AKAP6: variants seen among roughly 807,000 people sequenced by gnomAD.
AKAP6 encodes the protein A-kinase anchor protein 6.
In AKAP6, 58 loss-of-function variants were observed where a neutral mutation model predicts 188.5. The ratio of observed to expected loss-of-function variants is 0.31; its 90% confidence interval spans 0.25 to 0.38. The LOEUF (loss-of-function observed/expected upper bound fraction) is 0.38. Among genes scored for constraint, AKAP6 ranks in the 10% least tolerant of loss-of-function variants. AKAP6 has a pLI of 1.00. For synonymous variants in AKAP6, 989 were observed against 998.6 expected (o/e 0.99, Z 0.18); for missense variants, 2,710 against 2,740.0 (o/e 0.99, Z 0.24).
chr14:32,688,347 TC>T (rs1453281822), intron 8 of AKAP6, among the ~76,000 whole-genome samples: 1 of 152,074 alleles, frequency 6.6e-6, no homozygotes, highest in African/African-American at 2.4e-5. Context: ...ATTCCTTTAT[TC>T]ATTTCCCTAT....
chr14:32,613,349 A>G (rs1157826317), intron 7 of AKAP6, among the ~76,000 whole-genome samples: 1 of 152,202 alleles, frequency 6.6e-6, no homozygotes, highest in African/African-American at 2.4e-5. Flanking sequence ...ACCATTTCTA[A>G]TGGGAATTTT....
At chr14:32,590,079 A>G (rs79542188) in intron 5 of AKAP6, among the ~76,000 whole-genome samples, 3,663 of 152,328 alleles carry the variant, frequency 0.024, 61 homozygotes, top group South Asian at 0.052. Context: ...TGCCTATTCT[A>G]TATCTATAGG....
chr14:32,678,591 A>G, intron 8 of AKAP6, 132 bp downstream of exon 8: 1 of 1,009,344 alleles, frequency 9.9e-7, no homozygotes, highest in Non-Finnish European at 1.4e-6. Context: ...CTAGGCATTA[A>G]TGTTCTTTTC....
At chr14:32,575,988 C>A (rs1449058087) in intron 4 of AKAP6, among the ~76,000 whole-genome samples, 2 of 152,022 alleles carry the variant, frequency 1.3e-5, no homozygotes, top group African/African-American at 2.4e-5. Context: ...CTCTTTTTCT[C>A]ATGATTTTTT....
intron 7 of AKAP6, among the ~76,000 whole-genome samples, chr14:32,648,194 T>A (rs573742939): frequency 6.6e-6 from 1 of 152,232 alleles, no homozygotes; most frequent in Non-Finnish European, 1.5e-5. Context: ...TAGAAGGAAT[T>A]GTTTCAAAAA....
intron 2 of AKAP6, among the ~76,000 whole-genome samples, chr14:32,517,938 A>G (rs1881608029): frequency 6.6e-6 from 1 of 152,196 alleles, no homozygotes. Context: ...ACTGGGAGAC[A>G]CGTCCCAGAA....
chr14:32,542,047 C>T (rs529987972), intron 3 of AKAP6, among the ~76,000 whole-genome samples: 1 of 152,114 alleles, frequency 6.6e-6, no homozygotes, highest in Non-Finnish European at 1.5e-5. Flanking sequence ...CATCCATGTA[C>T]TAGACTTACA....
At chr14:32,380,872 T>G (rs1295361453) in intron 1 of AKAP6, among the ~76,000 whole-genome samples, 1 of 152,182 alleles carries the variant, frequency 6.6e-6, no homozygotes, top group African/African-American at 2.4e-5. Context: ...ATATTTCACT[T>G]AAGACCCTCT....
intron 7 of AKAP6, among the ~76,000 whole-genome samples, chr14:32,659,860 G>C (rs1360005256): frequency 6.6e-6 from 1 of 152,078 alleles, no homozygotes. Context: ...ATCAGTCTCA[G>C]AGGGCTAAGA....
At chr14:32,773,955 T>C (rs1172890759) in intron 12 of AKAP6, 62 bp downstream of exon 12, 1 of 1,531,468 alleles carries the variant, frequency 6.5e-7, no homozygotes, top group South Asian at 1.2e-5. Context: ...AATAATTCTT[T>C]CAGGCTTGGA....
chr14:32,752,118 T>C (rs2032161967), intron 11 of AKAP6, among the ~76,000 whole-genome samples: 4 of 152,214 alleles, frequency 2.6e-5, no homozygotes, highest in Non-Finnish European at 5.9e-5. Context: ...TGTACAGATA[T>C]TTCAGTCTGA....
chr14:32,608,165 A>G (rs1266849671), intron 7 of AKAP6, among the ~76,000 whole-genome samples: 5 of 152,142 alleles, frequency 3.3e-5, no homozygotes, highest in South Asian at 2.1e-4. Flanking sequence ...AAATAAAAAT[A>G]TACACTAGGT....
chr14:32,575,595 C>T (rs1168564357), intron 4 of AKAP6, among the ~76,000 whole-genome samples: 2 of 152,058 alleles, frequency 1.3e-5, no homozygotes, highest in Non-Finnish European at 2.9e-5. Flanking sequence ...TGATATTTCT[C>T]ATTAGTTTTA....
intron 1 of AKAP6, among the ~76,000 whole-genome samples, chr14:32,393,920 G>T (rs1294503153): frequency 6.6e-6 from 1 of 151,988 alleles, no homozygotes; most frequent in Non-Finnish European, 1.5e-5. Flanking sequence ...AGAATTAGGG[G>T]TAGAAATTAA....
intron 1 of AKAP6, among the ~76,000 whole-genome samples, chr14:32,372,563 C>CT (rs11414064): frequency 0.9 from 133,007 of 147,910 alleles, 60,096 homozygotes; most frequent in South Asian, 0.97. Context: ...TTTAAGATCA[C>CT]TTTTTTTTTT....
chr14:32,471,402 A>G (rs1195961863), intron 2 of AKAP6, among the ~76,000 whole-genome samples: 1 of 152,202 alleles, frequency 6.6e-6, no homozygotes, highest in East Asian at 1.9e-4. Flanking sequence ...GCGTTTATGG[A>G]CGGTGGTAGT....
rs377635525 is a variant in AKAP6 at position 32,822,868 on chromosome 14, G to T, written c.5055G>T (p.Ala1685=). 4.6e-5 allele frequency: 74 copies of T among 1,613,730 alleles called. No homozygotes were observed. Among genetic ancestry groups the T allele is most frequent in the Non-Finnish European group, 6.0e-5 (71 of 1,179,912 alleles). ...DIASSINEDS[A]ASLTELSSSD... is the part of the protein sequence containing the mutation. ...CATCTTCTATCAATGAAGACTCAGC[G>T]GCATCTCTAACAGAACTTAGCAGCA... Residue 1685 remains alanine (A), a synonymous_variant, in exon 13 of 14, where the codon GCG becomes GCT. Coordinates refer to ENST00000280979, the MANE Select transcript of AKAP6 (RefSeq NM_004274.5).
chr14:32,608,446 G>A (rs1886216088), intron 7 of AKAP6, among the ~76,000 whole-genome samples: 1 of 149,088 alleles, frequency 6.7e-6, no homozygotes, highest in African/African-American at 2.5e-5. Flanking sequence ...TTTGCAGTGA[G>A]CTGAGATTGT....
chr14:32,606,448 A>G (rs1886129041), intron 7 of AKAP6, among the ~76,000 whole-genome samples: 2 of 152,180 alleles, frequency 1.3e-5, no homozygotes. Context: ...CTTACGAAGC[A>G]TGCATTATTA....
Sources: allele counts gnomAD v4.1 joint callset (sites outside exome capture counted in the v4.1 genomes callset), GRCh38; gene constraint gnomAD v4.1.1; transcripts MANE v1.5; gene names NCBI Gene and HGNC (gene_info 2026-07-23, HGNC 2026-07-21).